XPNPEP2: variants seen among roughly 807,000 people sequenced by gnomAD.
The protein encoded by XPNPEP2 is xaa-Pro aminopeptidase 2.
In XPNPEP2, 64 loss-of-function variants were observed where a neutral mutation model predicts 59.8. That is an observed-to-expected ratio of 1.07 (90% CI 0.87 to 1.32). The LOEUF (loss-of-function observed/expected upper bound fraction) is 1.32. Ranked by LOEUF, XPNPEP2 falls within the 40% of genes most tolerant of loss-of-function variation. The pLI is 0.00. For synonymous variants in XPNPEP2, 235 were observed against 210.0 expected, an observed-to-expected ratio of 1.12 and a Z score of -1.03; for missense variants, 575 against 546.8, an observed-to-expected ratio of 1.05 and a Z score of -0.51.
intron 10 of XPNPEP2, 59 bp downstream of exon 10, chrX:129,752,404 G>T (rs1304593964): frequency 4.4e-6 from 5 of 1,137,654 alleles, no homozygotes; most frequent in Non-Finnish European, 5.9e-6. Context: ...GGCCTGAGAA[G>T]TCTTAACCTA....
In XPNPEP2 at chrX:129,750,564, C is replaced by A; in HGVS notation, c.734C>A (p.Thr245Lys). 8.5e-7 allele frequency: 1 copy of A among 1,181,637 alleles called. No homozygotes were observed. The highest frequency in any genetic ancestry group is 3.0e-5 in the East Asian group (1 of 32,851). ...TAVLLSALEETAWLFNLRASD... is the reference protein window; with the variant it reads ...TAVLLSALEEKAWLFNLRASD... ...GTCCTTCTGTCGGCGCTTGAGGAGA[C>A]GGCCTGTGAGTGTGGATTTGCAGAC... Residue 245 changes from threonine (T) to lysine (K), a missense_variant, in exon 8 of 21, where the codon ACG (threonine) becomes AAG (lysine). Physicochemically the swap from Thr to Lys is moderately conservative, Grantham distance 78. Coordinates refer to ENST00000371106, the MANE Select transcript of XPNPEP2 (RefSeq NM_003399.6).
At chrX:129,745,328 C>T in intron 4 of XPNPEP2, 62 bp downstream of exon 4, 1 of 1,157,621 alleles carries the variant, frequency 8.6e-7, no homozygotes, top group South Asian at 1.8e-5. Context: ...TCACAGAGGA[C>T]CTAATGTGGC....
intron 12 of XPNPEP2, among the ~76,000 whole-genome samples, chrX:129,754,853 A>G (rs112579978): frequency 2.7e-5 from 3 of 111,157 alleles, no homozygotes; most frequent in African/African-American, 9.8e-5. Context: ...TGCTTCAGGT[A>G]CGGTCTGAAT....
At chrX:129,753,638 AAAAG>A (rs781054880) in intron 11 of XPNPEP2, among the ~76,000 whole-genome samples, 5 of 111,553 alleles carry the variant, frequency 4.5e-5, no homozygotes, top group East Asian at 2.8e-4. Flanking sequence ...AGGTCAAAAA[AAAAG>A]AAAGAAAGAA....
intron 14 of XPNPEP2, among the ~76,000 whole-genome samples, 183 bp downstream of exon 14, chrX:129,756,738 T>C (rs1036028737): frequency 6.4e-5 from 7 of 109,910 alleles, no homozygotes; most frequent in African/African-American, 2.0e-4. Flanking sequence ...CAGTGGGAAA[T>C]ACACAGAGGC....
At position 129,742,124 on chromosome X, in the gene XPNPEP2, CACAAAG is replaced by C; in HGVS notation, c.67_72del (p.Thr23_Lys24del). ...GGCTTCTAGCTTGTGCCTGGGGCCA[CACAAAG>C]CCAGTGGACCTTGGAGGGCAGGATG... is the stretch of plus-strand genomic sequence containing the variant. On this transcript the variant is annotated inframe_deletion, in exon 2 of 21. Transcript: ENST00000371106. The C allele has an allele frequency of 5.8e-6, 7 of 1,208,748 alleles. No homozygotes were observed. Among genetic ancestry groups the C allele is most frequent in the Non-Finnish European group, 7.8e-6 (7 of 894,444 alleles).
chrX:129,767,208 T>C (rs966578640), intron 19 of XPNPEP2, among the ~76,000 whole-genome samples: 1 of 110,395 alleles, frequency 9.1e-6, no homozygotes, highest in Non-Finnish European at 1.9e-5. Context: ...AGGGAGATCC[T>C]ATCTCAAAAA....
chrX:129,759,207 A>T lies in XPNPEP2; in HGVS notation c.1395A>T (p.Thr465=). The T allele has an allele frequency of 8.3e-7, 1 of 1,211,900 alleles. No individual in the cohort carries two copies. Reference sequence around the variant, plus strand: ...ACGGGACCACAGACATCACCAGAACAGTCCACTGGGGCACCCCCTCTGCCT... The same window carrying T: ...ACGGGACCACAGACATCACCAGAACTGTCCACTGGGGCACCCCCTCTGCCT... ...YWDGTTDITR[T]VHWGTPSAFQ... Residue 465 remains threonine, a synonymous_variant, in exon 15 of 21, where the codon ACA becomes ACT. Coordinates refer to ENST00000371106, the MANE Select transcript of XPNPEP2 (RefSeq NM_003399.6).
chrX:129,747,498 T>G (rs775015781), intron 6 of XPNPEP2, 109 bp from the exon 7 acceptor site: 20 of 1,085,529 alleles, frequency 1.8e-5, no homozygotes, highest in Non-Finnish European at 2.2e-5. Context: ...TCCGGGCAGC[T>G]GGGCTGCAAA....
chrX:129,766,001 T>A (rs998289015), intron 19 of XPNPEP2, among the ~76,000 whole-genome samples: 1 of 112,132 alleles, frequency 8.9e-6, no homozygotes, highest in Non-Finnish European at 1.9e-5. Flanking sequence ...TGGTGTTAAA[T>A]TTTAGTGAAT....
At chrX:129,764,964 TA>T (rs993042808) in intron 19 of XPNPEP2, among the ~76,000 whole-genome samples, 4 of 110,825 alleles carry the variant, frequency 3.6e-5, no homozygotes, top group East Asian at 2.8e-4. Context: ...AATCTGTCTC[TA>T]AAAAAAGAAG....
Position 129,754,601 on chromosome X carries a change from C to A in XPNPEP2, c.1217+20C>A, listed in dbSNP as rs752379208. The stretch of plus-strand genomic sequence containing the variant: ...CCGAGGGTGAAGAGCCACGGCCGTC[C>A]TTTTTGGCTGACTGTCTTTTAGTGT... On this transcript the variant is annotated intron_variant, in intron 12 of 20. Transcript: ENST00000371106. 2 of 1,155,001 alleles carry A rather than the reference C, an allele frequency of 1.7e-6. No homozygotes were observed. The highest frequency in any genetic ancestry group is 3.8e-5 in the South Asian group (2 of 52,190).
chrX:129,765,413 GT>G (rs1926730683), intron 19 of XPNPEP2, among the ~76,000 whole-genome samples: 1 of 111,313 alleles, frequency 9.0e-6, no homozygotes, highest in Non-Finnish European at 1.9e-5. Context: ...AAGACAAAAA[GT>G]ACAAGCATTT....
chrX:129,768,721 C>T lies in XPNPEP2; in HGVS notation c.*236C>T. On this transcript the variant is annotated 3_prime_UTR_variant, in exon 21 of 21. Coordinates refer to ENST00000371106, the MANE Select transcript of XPNPEP2 (RefSeq NM_003399.6). ...CCGGGGTTGTATACCACACCCTGGG[C>T]CCCTAATCCCAGGCCCCGAGATAGG... 3.4e-6 allele frequency: 1 copy of T among 296,011 alleles called. No homozygotes were observed. Among genetic ancestry groups the T allele is most frequent in the Non-Finnish European group, 5.9e-6 (1 of 169,441 alleles). The allele number at this position is 296,011 out of a possible 1,213,427, so 24.4% of individuals were successfully genotyped here.
chrX:129,755,881 G>A (rs1252498693), intron 13 of XPNPEP2, among the ~76,000 whole-genome samples: 1 of 112,683 alleles, frequency 8.9e-6, no homozygotes, highest in Non-Finnish European at 1.9e-5. Context: ...CCCTCCCCTG[G>A]TGTCCCCTGG....
intron 8 of XPNPEP2, among the ~76,000 whole-genome samples, chrX:129,751,107 C>T (rs980400241): frequency 2.6e-5 from 1 of 39,144 alleles, no homozygotes; most frequent in Non-Finnish European, 4.7e-5. Context: ...CTCCCCCACC[C>T]CCCCCCCCCG....
chrX:129,742,232 C>A, intron 2 of XPNPEP2, 51 bp downstream of exon 2: 3 of 676,097 alleles, frequency 4.4e-6, no homozygotes, highest in Non-Finnish European at 6.3e-6. Flanking sequence ...CACGCACCCC[C>A]CCACCCCTGC....
chrX:129,758,414 G>A (rs1406792767), intron 14 of XPNPEP2, among the ~76,000 whole-genome samples: 1 of 111,202 alleles, frequency 9.0e-6, no homozygotes, highest in Non-Finnish European at 1.9e-5. Flanking sequence ...CATGACCCAA[G>A]GAGAAGCCCC....
At chrX:129,765,961 G>A in intron 19 of XPNPEP2, among the ~76,000 whole-genome samples, 1 of 112,052 alleles carries the variant, frequency 8.9e-6, no homozygotes, top group Non-Finnish European at 1.9e-5. Flanking sequence ...GGATGAACTT[G>A]AGCATCTTTC....
Sources: allele counts gnomAD v4.1 joint callset (sites outside exome capture counted in the v4.1 genomes callset), GRCh38; gene constraint gnomAD v4.1.1; transcripts MANE v1.5; gene names NCBI Gene and HGNC (gene_info 2026-07-23, HGNC 2026-07-21).